Variants in KMT2C observed in about 807,000 individuals in gnomAD.
The protein encoded by KMT2C is histone-lysine N-methyltransferase 2C.
KMT2C carries 88 observed loss-of-function variants against 507.9 expected under a neutral mutation model. The observed-to-expected ratio is 0.17, with a 90% CI of 0.15 to 0.21. The LOEUF is 0.21. KMT2C is among the 10% of genes least tolerant of loss of function. KMT2C has a pLI of 1.00. For synonymous variants in KMT2C, 2,049 were observed against 2,080.8 expected, an observed-to-expected ratio of 0.98 and a Z score of 0.42; for missense variants, 4,954 against 5,957.8, an observed-to-expected ratio of 0.83 and a Z score of 5.55.
At chr7:152,397,794 T>C (rs567721394) in intron 1 of KMT2C, among the ~76,000 whole-genome samples, 121 of 152,300 alleles carry the variant, frequency 7.9e-4, no homozygotes, top group Non-Finnish European at 1.4e-3. Context: ...ACCTTTCACT[T>C]GGTACTCACT....
intron 1 of KMT2C, among the ~76,000 whole-genome samples, chr7:152,365,437 T>C (rs1258166586): frequency 1.3e-5 from 2 of 152,130 alleles, no homozygotes; most frequent in African/African-American, 2.4e-5. Flanking sequence ...ACTAGGGAGG[T>C]GGAGGTTGCA....
Position 152,138,856 on chromosome 7 carries a change from A to G in KMT2C, c.14583T>C (p.Thr4861=). 1 of 1,613,338 alleles carries G rather than the reference A, an allele frequency of 6.2e-7. No homozygotes were observed. The highest frequency in any genetic ancestry group is 8.5e-7 in the Non-Finnish European group (1 of 1,179,844). Residue 4861 remains threonine (T), a synonymous_variant, in exon 58 of 59, where the codon ACT becomes ACC. Coordinates refer to ENST00000262189, the MANE Select transcript of KMT2C (RefSeq NM_170606.3). This position sits in a 1 kb window ranked among gnomAD's most constrained non-coding sequence, Gnocchi z 4.2. ...CAPNCVAEVV[T]FERGHKIIIS... is the part of the protein sequence containing the mutation. ...TGATAATTTTGTGTCCTCTCTCAAA[A>G]GTCACCACTTCAGCCACACAATTAG... is the stretch of plus-strand genomic sequence containing the variant.
intron 29 of KMT2C, 24 bp from the exon 30 acceptor site, chr7:152,194,285 A>C (rs1411338359): frequency 7.2e-7 from 1 of 1,387,372 alleles, no homozygotes; most frequent in Admixed American, 2.2e-5. Flanking sequence ...AAAAAAAAAA[A>C]GAAACATTAA....
chr7:152,351,093 T>C (rs749526611), intron 2 of KMT2C, among the ~76,000 whole-genome samples: 6 of 152,206 alleles, frequency 3.9e-5, no homozygotes, highest in Non-Finnish European at 8.8e-5. Context: ...GGAGCTGTCA[T>C]TTCGTATGAT....
chr7:152,135,532 A>T lies in KMT2C; in HGVS notation c.*1300T>A, dbSNP rs963194267. ...TCTCCTTTTTTTTTTTAACTTTTTC[A>T]AATTTTTGTGTTAAATAGAAGGCTA... On this transcript the variant is annotated 3_prime_UTR_variant, in exon 59 of 59. Coordinates refer to ENST00000262189, the MANE Select transcript of KMT2C (RefSeq NM_170606.3). 3.6e-5 allele frequency: 8 copies of T among 224,806 alleles called. No individual in the cohort carries two copies. Among genetic ancestry groups the T allele is most frequent in the Non-Finnish European group, 6.2e-5 (7 of 112,672 alleles). The allele number at this position is 224,806 out of a possible 1,614,324, so 13.9% of individuals were successfully genotyped here.
intron 6 of KMT2C, among the ~76,000 whole-genome samples, chr7:152,294,002 G>T (rs1035765758): frequency 3.3e-5 from 5 of 150,270 alleles, no homozygotes; most frequent in African/African-American, 1.2e-4. Flanking sequence ...GAGACTACAG[G>T]TGTGCACCAC....
In KMT2C at chr7:152,147,718, AAAAAAAAAAAG is replaced by A. The variant is rs1313088145; in HGVS notation, c.13894+304_13894+314del. Reference sequence around the variant, plus strand: ...GAGAAACTCCGTCTCAAAAAAAAAAAAAAAAAAAAAGAAAAAGAAAAAGAAAAAGGAGGTCC... The same window carrying A: ...GAGAAACTCCGTCTCAAAAAAAAAAAAAAAAGAAAAAGAAAAAGGAGGTCC... On this transcript the variant is annotated intron_variant, in intron 52 of 58. Coordinates refer to ENST00000262189, the MANE Select transcript of KMT2C (RefSeq NM_170606.3). 8.6e-3 allele frequency among the ~76,000 whole-genome samples: 1,285 copies of A among 149,276 alleles called. 15 individuals carry two copies. Among genetic ancestry groups the A allele is most frequent in the African/African-American group, 0.031 (1,229 of 40,194 alleles).
At chr7:152,347,569 AG>A (rs1468418839) in intron 2 of KMT2C, among the ~76,000 whole-genome samples, 2 of 152,216 alleles carry the variant, frequency 1.3e-5, no homozygotes, top group Admixed American at 1.3e-4. Flanking sequence ...TAATTATTAC[AG>A]TTGTACAGTA....
chr7:152,234,092 G>A (rs924971506), intron 16 of KMT2C, among the ~76,000 whole-genome samples: 12 of 151,864 alleles, frequency 7.9e-5, no homozygotes, highest in Non-Finnish European at 1.0e-4. Context: ...CAGAGATCAC[G>A]CCACTGCACT....
intron 2 of KMT2C, among the ~76,000 whole-genome samples, chr7:152,352,213 GCTCC>G (rs1292157457): frequency 6.6e-6 from 1 of 152,102 alleles, no homozygotes; most frequent in African/African-American, 2.4e-5. Context: ...CTCCCGTAGC[GCTCC>G]CAGGCTTATT....
intron 41 of KMT2C, among the ~76,000 whole-genome samples, chr7:152,167,960 T>C (rs529239313): frequency 2.6e-5 from 4 of 152,324 alleles, no homozygotes; most frequent in Admixed American, 2.0e-4. Flanking sequence ...GTTGAAAACA[T>C]TGGTAATTAT....
At chr7:152,393,466 TA>T (rs767829803) in intron 1 of KMT2C, among the ~76,000 whole-genome samples, 1 of 152,190 alleles carries the variant, frequency 6.6e-6, no homozygotes, top group Non-Finnish European at 1.5e-5. Context: ...AACAGACTAT[TA>T]GTTACCTAAC....
At position 152,144,889 on chromosome 7, in the gene KMT2C, C is replaced by G. The variant is rs369339705; in HGVS notation, c.14175-8G>C. ...CTGTTTAAGGTGTGAGGCCTGCAGACAATGGCATATCAACAGGAAAAAAAT... is the reference window on the plus strand; with the variant it reads ...CTGTTTAAGGTGTGAGGCCTGCAGAGAATGGCATATCAACAGGAAAAAAAT... On this transcript the variant is annotated splice_region_variant and splice_polypyrimidine_tract_variant and intron_variant, in intron 54 of 58. Coordinates refer to ENST00000262189, the MANE Select transcript of KMT2C (RefSeq NM_170606.3). The surrounding 1 kb of genome is among the most constrained non-coding windows in gnomAD (Gnocchi z 4.4). The G allele has an allele frequency of 1.1e-5, 17 of 1,602,428 alleles. No individual in the cohort carries two copies. The highest frequency in any genetic ancestry group is 1.5e-5 in the Non-Finnish European group (17 of 1,171,840).
At chr7:152,305,223 C>T (rs570592368) in intron 6 of KMT2C, among the ~76,000 whole-genome samples, 71 of 152,024 alleles carry the variant, frequency 4.7e-4, no homozygotes, top group Non-Finnish European at 9.6e-4. Context: ...AAGATTATTA[C>T]GTGAATATAC....
rs2091328229 is a variant in KMT2C, at chr7:152,148,199, G to A, written c.13728C>T (p.Phe4576=). 3.1e-6 allele frequency: 5 copies of A among 1,614,130 alleles called. No individual in the cohort carries two copies. Among genetic ancestry groups the A allele is most frequent in the Admixed American group, 1.7e-5 (1 of 60,014 alleles). Residue 4576 remains phenylalanine (F), a synonymous_variant, in exon 52 of 59, where the codon TTC becomes TTT. Coordinates refer to ENST00000262189, the MANE Select transcript of KMT2C (RefSeq NM_170606.3). This position sits in a 1 kb window ranked among gnomAD's most constrained non-coding sequence, Gnocchi z 7.1. The part of the protein sequence containing the change: ...MQAFHSPKAL[F]PVGYEASRLY... ...GCCGGCTGGCTTCATAGCCCACAGG[G>A]AAGAGTGCTTTAGGAGAATGGAATG... is the stretch of plus-strand genomic sequence containing the variant.
intron 21 of KMT2C, among the ~76,000 whole-genome samples, 162 bp downstream of exon 21, chr7:152,222,411 A>C (rs1159141646): frequency 6.6e-6 from 1 of 152,222 alleles, no homozygotes; most frequent in Non-Finnish European, 1.5e-5. Context: ...AGTTGTGATA[A>C]GTCATGTATA....
intron 3 of KMT2C, among the ~76,000 whole-genome samples, chr7:152,317,332 C>A (rs771542018): frequency 2.6e-5 from 4 of 151,924 alleles, no homozygotes; most frequent in East Asian, 1.9e-4. Flanking sequence ...TTTTTTAATA[C>A]GAGGTCAAGG....
At chr7:152,381,286 G>T (rs1589603845) in intron 1 of KMT2C, among the ~76,000 whole-genome samples, 1 of 151,724 alleles carries the variant, frequency 6.6e-6, no homozygotes, top group East Asian at 1.9e-4. Context: ...ACTGGGGAGA[G>T]GGAGTAATTT....
At chr7:152,248,912 G>T (rs538880289) in intron 13 of KMT2C, among the ~76,000 whole-genome samples, 6 of 152,086 alleles carry the variant, frequency 3.9e-5, no homozygotes, top group African/African-American at 7.2e-5. Flanking sequence ...AGAAAATGAG[G>T]ATCAATCATG....
Sources: gnomAD v4.1 joint callset for allele counts (sites outside exome capture counted in the v4.1 genomes callset) on GRCh38, gnomAD v4.1.1 for gene constraint, Gnocchi (gnomAD v3.1) non-coding constraint, MANE v1.5 for transcripts, NCBI Gene and HGNC (gene_info 2026-07-23, HGNC 2026-07-21) for gene names.